Variants in AKR1C1 observed in about 807,000 individuals in gnomAD.
AKR1C1 encodes the protein 20 alpha-hydroxysteroid dehydrogenase.
In AKR1C1, 32 loss-of-function variants were observed where a neutral mutation model predicts 40.6. That is an observed-to-expected ratio of 0.79 (90% confidence interval 0.60 to 1.06). The LOEUF (loss-of-function observed/expected upper bound fraction) is 1.06, where lower values mean the gene tolerates loss of function less well. AKR1C1 is among the 50% of genes least tolerant of loss of function. AKR1C1 has a pLI of 0.00. For synonymous variants in AKR1C1, 105 were observed against 134.2 expected (o/e 0.78, Z 1.50); for missense variants, 320 against 363.5 (o/e 0.88, Z 0.97).
intron 7 of AKR1C1, among the ~76,000 whole-genome samples, chr10:4,974,773 A>G (rs1836499663): frequency 6.6e-6 from 1 of 152,014 alleles, no homozygotes; most frequent in African/African-American, 2.4e-5. Flanking sequence ...CAGTTAACTT[A>G]TTTACTTTTC....
Position 4,979,197 on chromosome 10 carries a change from T to C in AKR1C1, c.*1455T>C. The C allele has an allele frequency of 6.6e-6, 1 of 152,206 alleles. No individual in the cohort carries two copies. The highest frequency in any genetic ancestry group is 3.2e-3 in the Middle Eastern group (1 of 316). 9.4% of individuals were successfully genotyped at this position (152,206 alleles called of 1,614,324 possible). ...ATAAAATTGGAGTAGGCCATAAACT[T>C]TGGAGGGCCCTAGACCAATTTTTTG... On this transcript the variant is annotated 3_prime_UTR_variant, in exon 9 of 9. Transcript: ENST00000380872.
chr10:4,969,567 T>G (rs1836390968), intron 5 of AKR1C1: 5 of 1,218,632 alleles, frequency 4.1e-6, no homozygotes, highest in Non-Finnish European at 5.9e-6. Context: ...CAGCAGAACA[T>G]GGAGCTGACC....
At position 4,966,927 on chromosome 10, in the gene AKR1C1, C is replaced by G; in HGVS notation, c.253C>G (p.Leu85Val). The change falls in exon 3 of 9, where the codon CTT becomes GTT. Residue 85 changes from leucine to valine, a missense_variant and splice_region_variant. Leu to Val is a conservative substitution (Grantham distance 32, BLOSUM62 1). Coordinates refer to ENST00000380872, the MANE Select transcript of AKR1C1 (RefSeq NM_001353.6). Reference protein sequence around the residue: ...KREDIFYTSKLWCNSHRPELV... With the variant: ...KREDIFYTSKVWCNSHRPELV... ...AACTTCCTTTCTCTAACCTCTGCAG[C>G]TTTGGTGCAATTCCCATCGACCAGA... 1.9e-6 allele frequency: 3 copies of G among 1,611,582 alleles called. No individual in the cohort carries two copies. Among genetic ancestry groups the G allele is most frequent in the Non-Finnish European group, 2.5e-6 (3 of 1,179,052 alleles).
chr10:4,966,457 A>G (rs1226460760), intron 2 of AKR1C1, among the ~76,000 whole-genome samples: 3 of 152,226 alleles, frequency 2.0e-5, no homozygotes, highest in South Asian at 4.1e-4. Context: ...GAGAGAAAGC[A>G]ATATAAGCAA....
chr10:4,977,657 A>C, intron 8 of AKR1C1, 43 bp from the exon 9 acceptor site: 1 of 1,611,994 alleles, frequency 6.2e-7, no homozygotes, highest in Non-Finnish European at 8.5e-7. Flanking sequence ...CTAGTAACGG[A>C]GTCATTGCCA....
At position 4,966,912 on chromosome 10, in the gene AKR1C1, C is replaced by T. The variant is rs1287038401; in HGVS notation, c.253-15C>T. 17 of 1,605,372 alleles carry T rather than the reference C, an allele frequency of 1.1e-5. No homozygotes were observed. The highest frequency in any genetic ancestry group is 1.4e-5 in the Non-Finnish European group (16 of 1,176,680). On this transcript the variant is annotated splice_polypyrimidine_tract_variant and intron_variant, in intron 2 of 8. Transcript: ENST00000380872. ...AAGTTTTCATTACACAACTTCCTTT[C>T]TCTAACCTCTGCAGCTTTGGTGCAA...
chr10:4,966,572 A>C (rs1836337205), intron 2 of AKR1C1, among the ~76,000 whole-genome samples: 1 of 152,240 alleles, frequency 6.6e-6, no homozygotes, highest in Admixed American at 6.5e-5. Flanking sequence ...TAAACCACAA[A>C]GATACTTAAT....
intron 7 of AKR1C1, among the ~76,000 whole-genome samples, chr10:4,974,345 A>G (rs1227612042): frequency 2.6e-5 from 4 of 151,886 alleles, no homozygotes; most frequent in South Asian, 4.1e-4. Flanking sequence ...TTAGAGACTT[A>G]AATGTATTCT....
chr10:4,966,166 T>G lies in AKR1C1; in HGVS notation c.252+85T>G, dbSNP rs538218277. ...CAGTTCTATGACTGGATCCATAGTATAGGGTGAATTGTGCTTATTTATTAC... is the reference window on the plus strand; with the variant it reads ...CAGTTCTATGACTGGATCCATAGTAGAGGGTGAATTGTGCTTATTTATTAC... On this transcript the variant is annotated intron_variant, in intron 2 of 8. Coordinates refer to ENST00000380872, the MANE Select transcript of AKR1C1 (RefSeq NM_001353.6). 2.7e-4 allele frequency: 405 copies of G among 1,525,910 alleles called. 1 individual carries two copies. The highest frequency in any genetic ancestry group is 1.8e-3 in the East Asian group (77 of 43,634). The allele number at this position is 1,525,910 out of a possible 1,614,324, so 94.5% of individuals were successfully genotyped here.
At chr10:4,968,530 G>A (rs41314625) in intron 4 of AKR1C1, 144 bp downstream of exon 4, 165,452 of 1,535,094 alleles carry the variant, frequency 0.11, 12,006 homozygotes, top group Non-Finnish European at 0.12. Flanking sequence ...GAGCAGTGAG[G>A]AAAAAGAAAT....
chr10:4,979,206 C>A lies in AKR1C1; in HGVS notation c.*1464C>A, dbSNP rs868937049. 1.1e-4 allele frequency: 17 copies of A among 152,064 alleles called. No individual in the cohort carries two copies. Among genetic ancestry groups the A allele is most frequent in the African/African-American group, 4.1e-4 (17 of 41,396 alleles). 9.4% of individuals were successfully genotyped at this position (152,064 alleles called of 1,614,324 possible). A position where few individuals can be genotyped will look rare whatever the true frequency, so the allele number is the denominator to read the frequency against. On this transcript the variant is annotated 3_prime_UTR_variant, in exon 9 of 9. Transcript: ENST00000380872. The stretch of plus-strand genomic sequence containing the variant: ...GAGTAGGCCATAAACTTTGGAGGGC[C>A]CTAGACCAATTTTTTGGATTATTTT...
Position 4,972,556 on chromosome 10 carries a change from G to A in AKR1C1, c.681-28G>A, listed in dbSNP as rs781849732. On this transcript the variant is annotated intron_variant, in intron 6 of 8. Coordinates refer to ENST00000380872, the MANE Select transcript of AKR1C1 (RefSeq NM_001353.6). ...AACAAACTGTATCCCCAGCCTCAGG[G>A]CCTCAGCCTTTCTGCCTTTCCTTCC... 4.3e-6 allele frequency: 7 copies of A among 1,611,556 alleles called. 1 individual carries two copies. The highest frequency in any genetic ancestry group is 1.3e-5 in the African/African-American group (1 of 74,972).
In AKR1C1 at chr10:4,965,955, T is replaced by A; in HGVS notation, c.126T>A (p.Ile42=). 1 of 1,614,190 alleles carries A rather than the reference T, an allele frequency of 6.2e-7. No individual in the cohort carries two copies. Among genetic ancestry groups the A allele is most frequent in the Non-Finnish European group, 8.5e-7 (1 of 1,180,010 alleles). Residue 42 remains isoleucine (I), a synonymous_variant, in exon 2 of 9, where the codon ATT becomes ATA. Transcript: ENST00000380872. The part of the protein sequence containing the change: ...SKALEATKLA[I]EAGFRHIDSA... ...CTTTAGAGGCCACCAAATTGGCAAT[T>A]GAAGCTGGCTTCCGCCATATTGATT...
rs1836569143 is a variant in AKR1C1, at chr10:4,978,824, G to A, written c.*1082G>A. Reference sequence around the variant, plus strand: ...ACAGGCTATGTAAAACAGCACACTGGTTTCAAACTTTGGTAAATTTTAAGA... The same window carrying A: ...ACAGGCTATGTAAAACAGCACACTGATTTCAAACTTTGGTAAATTTTAAGA... On this transcript the variant is annotated 3_prime_UTR_variant, in exon 9 of 9. Coordinates refer to ENST00000380872, the MANE Select transcript of AKR1C1 (RefSeq NM_001353.6). The A allele has an allele frequency of 6.6e-6, 1 of 152,174 alleles. No individual in the cohort carries two copies. The highest frequency in any genetic ancestry group is 2.4e-5 in the African/African-American group (1 of 41,446). The allele number at this position is 152,174 out of a possible 1,614,324, so 9.4% of individuals were successfully genotyped here.
chr10:4,968,868 T>C lies in AKR1C1; in HGVS notation c.494T>C (p.Val165Ala). The change falls in exon 5 of 9, where the codon GTG (valine) becomes GCG (alanine). Residue 165 changes from valine (V) to alanine (A), a missense_variant. Around this residue, in one of 3 missense-constraint regions of AKR1C1, gnomAD observed 214 missense variants for 214.8 expected, o/e 1.00. Coordinates refer to ENST00000380872, the MANE Select transcript of AKR1C1 (RefSeq NM_001353.6). ...KDAGLAKSIG[V>A]SNFNRRQLEM... ...GCAGGATTGGCCAAGTCCATCGGGG[T>C]GTCCAACTTCAACCGCAGGCAGCTG... 1.2e-6 allele frequency: 2 copies of C among 1,614,042 alleles called. No individual in the cohort carries two copies. Among genetic ancestry groups the C allele is most frequent in the Middle Eastern group, 1.6e-4 (1 of 6,062 alleles).
chr10:4,972,560 C>T (rs782718744), intron 6 of AKR1C1, 24 bp from the exon 7 acceptor site: 42 of 1,612,472 alleles, frequency 2.6e-5, no homozygotes, highest in Non-Finnish European at 3.5e-5. Context: ...CTCAGGGCCT[C>T]AGCCTTTCTG....
chr10:4,977,157 G>A (rs182469587), intron 8 of AKR1C1, among the ~76,000 whole-genome samples: 1 of 152,256 alleles, frequency 6.6e-6, no homozygotes, highest in Admixed American at 6.5e-5. Flanking sequence ...CTATAAAATG[G>A]TTTATACATT....
chr10:4,972,376 G>T (rs1473097022), intron 6 of AKR1C1, 66 bp downstream of exon 6: 4 of 1,596,620 alleles, frequency 2.5e-6, no homozygotes, highest in Non-Finnish European at 2.6e-6. Context: ...ATCAGATCAT[G>T]CTGTTTCCTG....
chr10:4,983,087 G>A lies in AKR1C1; in HGVS notation c.*5345G>A, dbSNP rs1362090732. 5.7e-6 allele frequency: 2 copies of A among 347,870 alleles called. No individual in the cohort carries two copies. Among genetic ancestry groups the A allele is most frequent in the South Asian group, 2.3e-5 (1 of 43,392 alleles). 21.5% of individuals were successfully genotyped at this position (347,870 alleles called of 1,614,324 possible). A position where few individuals can be genotyped will look rare whatever the true frequency, so the allele number is the denominator to read the frequency against. ...AGGTGAAGCCTGGGCTGGATGGCTG[G>A]AGGATGAAGAACTGCACGGAGGAGA... On this transcript the variant is annotated 3_prime_UTR_variant, in exon 9 of 9. Transcript: ENST00000380872.
Sources: allele counts gnomAD v4.1 joint callset (sites outside exome capture counted in the v4.1 genomes callset), GRCh38; gene constraint gnomAD v4.1.1; regional missense constraint gnomAD v4.1.1; transcripts MANE v1.5; gene names NCBI Gene and HGNC (gene_info 2026-07-23, HGNC 2026-07-21).